The following MAGED1 variants were observed in gnomAD, a reference collection of about 807,000 sequenced individuals.
MAGED1 encodes the protein MAGE family member D1, also known as melanoma-associated antigen D1.
A neutral mutation model predicts 54.1 loss-of-function variants in MAGED1; 3 were observed. The observed-to-expected ratio is 0.06, with a 90% CI of 0.03 to 0.14. MAGED1 has a LOEUF of 0.14. Ranked by LOEUF, MAGED1 falls within the 10% of genes least tolerant of loss-of-function variation. The pLI, the probability that MAGED1 is intolerant of heterozygous loss-of-function variation, is 1.00. For missense variants in MAGED1, 485 were observed against 623.4 expected, an observed-to-expected ratio of 0.78 and a Z score of 2.36; for synonymous variants, 217 against 227.3, an observed-to-expected ratio of 0.95 and a Z score of 0.41.
At chrX:51,860,379 T>C (rs939194044) in intron 1 of MAGED1, among the ~76,000 whole-genome samples, 1 of 111,723 alleles carries the variant, frequency 9.0e-6, no homozygotes, top group African/African-American at 3.3e-5. Flanking sequence ...GTTAAGGCAG[T>C]GGGAATGAAA....
chrX:51,866,263 TG>T lies in MAGED1; in HGVS notation c.-36-28005del, dbSNP rs1353996045. Among the ~76,000 whole-genome samples, 4 of 112,327 alleles carry T rather than the reference TG, an allele frequency of 3.6e-5. No individual in the cohort carries two copies. In the Admixed American group the frequency reaches 3.8e-4, roughly 11 times the overall value. Reference sequence around the variant, plus strand: ...CTGACTGCTGAAACTTTTTAATGTTTGTTTTTATGAATGATCACTTTGTGGG... The same window carrying T: ...CTGACTGCTGAAACTTTTTAATGTTTTTTTTATGAATGATCACTTTGTGGG... On this transcript the variant is annotated intron_variant, in intron 1 of 12. Transcript: ENST00000375772.
rs1400211920 is a variant in MAGED1 at position 51,848,513 on chromosome X, G to C, written c.-37+45396G>C. On this transcript the variant is annotated intron_variant, in intron 1 of 12. Transcript: ENST00000375772. The stretch of plus-strand genomic sequence containing the variant: ...TGGTGTCCCGGGCTTTTAAAATTGG[G>C]AATCAGTCACATAAGAATGCAGCAC... Among the ~76,000 whole-genome samples the C allele has an allele frequency of 2.7e-5, 3 of 111,530 alleles. 1 individual carries two copies. The highest frequency in any genetic ancestry group is 5.6e-5 in the Non-Finnish European group (3 of 53,151).
intron 1 of MAGED1, among the ~76,000 whole-genome samples, chrX:51,846,041 G>A (rs781893895): frequency 5.7e-4 from 64 of 111,554 alleles, no homozygotes; most frequent in African/African-American, 2.0e-3. Context: ...CTCTCAAAGC[G>A]CTGGGATTAC....
At chrX:51,836,490 T>C (rs1427276478) in intron 1 of MAGED1, among the ~76,000 whole-genome samples, 1 of 111,071 alleles carries the variant, frequency 9.0e-6, no homozygotes, top group African/African-American at 3.3e-5. Context: ...GTGTAAGTGA[T>C]GAAAACTGTT....
At chrX:51,810,583 C>T (rs1358035398) in intron 1 of MAGED1, among the ~76,000 whole-genome samples, 1 of 111,745 alleles carries the variant, frequency 8.9e-6, no homozygotes, top group Non-Finnish European at 1.9e-5. Context: ...AAGACTCATT[C>T]TAGTGTGGAT....
chrX:51,809,545 G>A (rs188942819), intron 1 of MAGED1, among the ~76,000 whole-genome samples: 8 of 111,951 alleles, frequency 7.1e-5, no homozygotes, highest in African/African-American at 1.9e-4. Flanking sequence ...TCTCATCCTC[G>A]TGTTTCCTAT....
At chrX:51,872,709 G>A (rs1457432470) in intron 1 of MAGED1, among the ~76,000 whole-genome samples, 2 of 112,057 alleles carry the variant, frequency 1.8e-5, no homozygotes, top group African/African-American at 6.5e-5. Flanking sequence ...TAAATGATAT[G>A]TAGCAAAGAA....
At chrX:51,837,059 G>A (rs782609891) in intron 1 of MAGED1, among the ~76,000 whole-genome samples, 1 of 111,895 alleles carries the variant, frequency 8.9e-6, no homozygotes, top group East Asian at 2.8e-4. Context: ...ACCCTTGCCT[G>A]TGGCATGATC....
chrX:51,822,353 T>A (rs1168412054), intron 1 of MAGED1, among the ~76,000 whole-genome samples: 4 of 111,832 alleles, frequency 3.6e-5, no homozygotes, highest in Non-Finnish European at 5.7e-5. Flanking sequence ...AGCATTTTTT[T>A]ATAAGATTGG....
chrX:51,882,880 G>A (rs1245667800), intron 1 of MAGED1, among the ~76,000 whole-genome samples: 3 of 110,702 alleles, frequency 2.7e-5, no homozygotes, highest in Admixed American at 9.5e-5. Context: ...TAGTAGAGAC[G>A]GGATTTTGCC....
At chrX:51,804,360 A>G (rs782618141) in intron 1 of MAGED1, among the ~76,000 whole-genome samples, 1 of 111,894 alleles carries the variant, frequency 8.9e-6, no homozygotes, top group African/African-American at 3.2e-5. Flanking sequence ...GGCCATGTAT[A>G]GTTTTTATTT....
chrX:51,810,157 G>GT (rs138510003), intron 1 of MAGED1, among the ~76,000 whole-genome samples: 3,608 of 109,665 alleles, frequency 0.033, 59 homozygotes, highest in Non-Finnish European at 0.05. Flanking sequence ...TCACTTCTAT[G>GT]TTTTTTTTCA....
At chrX:51,878,493 T>C (rs1557362225) in intron 1 of MAGED1, among the ~76,000 whole-genome samples, 1 of 111,300 alleles carries the variant, frequency 9.0e-6, no homozygotes, top group East Asian at 2.8e-4. Flanking sequence ...TTGGATGTTA[T>C]TCATTATTGT....
intron 1 of MAGED1, among the ~76,000 whole-genome samples, chrX:51,852,913 A>G (rs1557359890): frequency 8.9e-6 from 1 of 111,939 alleles, no homozygotes; most frequent in Non-Finnish European, 1.9e-5. Flanking sequence ...TTTATTACCA[A>G]TGAAATTCTA....
chrX:51,842,010 T>C (rs1013800380), intron 1 of MAGED1, among the ~76,000 whole-genome samples: 4 of 112,255 alleles, frequency 3.6e-5, no homozygotes, highest in Admixed American at 1.9e-4. Flanking sequence ...ACTGTTGCCA[T>C]GTCCTCTGAG....
At position 51,895,339 on chromosome X, in the gene MAGED1, C is replaced by A; in HGVS notation, c.332C>A (p.Ala111Asp). 1 of 1,210,106 alleles carries A rather than the reference C, an allele frequency of 8.3e-7. No individual in the cohort carries two copies. Among genetic ancestry groups the A allele is most frequent in the Non-Finnish European group, 1.1e-6 (1 of 894,656 alleles). Residue 111 changes from alanine to aspartate, a missense_variant, in exon 3 of 13, where the codon GCC (alanine) becomes GAC (aspartate). Transcript: ENST00000326587. ...KDVPNTQPKA[A>D]FKSQNATPKG... is the part of the protein sequence containing the mutation. ...GTGCCCAACACGCAGCCCAAGGCAG[C>A]CTTTAAGTCCCAAAATGCTACCCCA...
chrX:51,900,913 C>T (rs1457666928), intron 11 of MAGED1, among the ~76,000 whole-genome samples: 1 of 112,421 alleles, frequency 8.9e-6, no homozygotes, highest in African/African-American at 3.2e-5. Flanking sequence ...GGATTACAGG[C>T]GTGAGCCACC....
At chrX:51,840,690 T>G (rs1193564281) in intron 1 of MAGED1, among the ~76,000 whole-genome samples, 3 of 108,444 alleles carry the variant, frequency 2.8e-5, no homozygotes, top group Non-Finnish European at 5.7e-5. Context: ...TGGTGTTTGG[T>G]TTTTTGTCCT....
chrX:51,882,847 C>T (rs782488114), intron 1 of MAGED1, among the ~76,000 whole-genome samples: 285 of 110,591 alleles, frequency 2.6e-3, no homozygotes, highest in African/African-American at 9.1e-3. Flanking sequence ...CGTGCCACCA[C>T]GCCCGGCTAA....
Sources: allele counts gnomAD v4.1 joint callset (sites outside exome capture counted in the v4.1 genomes callset), GRCh38; gene constraint gnomAD v4.1.1; transcripts MANE v1.5; gene names NCBI Gene and HGNC (gene_info 2026-07-23, HGNC 2026-07-21).